Variants in EXOC4 observed in about 807,000 individuals in gnomAD.
EXOC4 encodes the protein exocyst complex component 4.
EXOC4 carries 71 observed loss-of-function variants against 107.2 expected under a neutral mutation model. The ratio of observed to expected loss-of-function variants is 0.66; its 90% CI spans 0.55 to 0.81. The LOEUF is 0.81. Among genes scored for constraint, EXOC4 ranks in the 30% least tolerant of loss-of-function variants. The probability of loss-of-function intolerance (pLI) is 0.00; values close to 1 mark genes in which losing one functional copy is unlikely to be tolerated. For synonymous variants in EXOC4, 456 were observed against 441.2 expected, an observed-to-expected ratio of 1.03 and a Z score of -0.42; for missense variants, 1,108 against 1,189.6, an observed-to-expected ratio of 0.93 and a Z score of 1.01.
At chr7:133,568,218 C>T (rs6954508) in intron 9 of EXOC4, among the ~76,000 whole-genome samples, 151,299 of 152,150 alleles carry the variant, frequency 0.99, 75,233 homozygotes, top group East Asian at 1. Flanking sequence ...GTTGCCTCTT[C>T]TTTCCCCCTT....
intron 3 of EXOC4, among the ~76,000 whole-genome samples, chr7:133,297,996 G>A (rs932563014): frequency 6.6e-6 from 1 of 152,168 alleles, no homozygotes; most frequent in African/African-American, 2.4e-5. Flanking sequence ...GGCCAGATGG[G>A]AACTAGATGT....
chr7:133,417,049 A>G (rs1797493788), intron 7 of EXOC4, among the ~76,000 whole-genome samples: 1 of 152,164 alleles, frequency 6.6e-6, no homozygotes, highest in Admixed American at 6.5e-5. Flanking sequence ...TGAGGTCTAT[A>G]TGATTATGTG....
chr7:133,985,571 C>T (rs1038637944), intron 14 of EXOC4, among the ~76,000 whole-genome samples: 2 of 152,166 alleles, frequency 1.3e-5, no homozygotes, highest in Non-Finnish European at 2.9e-5. Context: ...GGCCAATGAG[C>T]TTTCTTTTAA....
At chr7:133,521,453 TTTG>T (rs1262079574) in intron 9 of EXOC4, among the ~76,000 whole-genome samples, 1 of 152,224 alleles carries the variant, frequency 6.6e-6, no homozygotes, top group African/African-American at 2.4e-5. Flanking sequence ...AAAGTATTTA[TTTG>T]TTAACACTTA....
intron 10 of EXOC4, among the ~76,000 whole-genome samples, chr7:133,729,779 T>A (rs1359186505): frequency 1.3e-5 from 2 of 152,134 alleles, no homozygotes; most frequent in African/African-American, 4.8e-5. Context: ...ATTGAAATAG[T>A]CATAATCAGC....
chr7:133,713,347 A>G (rs781175021), intron 10 of EXOC4, among the ~76,000 whole-genome samples: 2 of 152,148 alleles, frequency 1.3e-5, no homozygotes, highest in Admixed American at 6.5e-5. Flanking sequence ...CAGAATGGGG[A>G]TTATTCTTTG....
intron 10 of EXOC4, among the ~76,000 whole-genome samples, chr7:133,782,944 C>T (rs998870756): frequency 1.3e-5 from 2 of 152,134 alleles, no homozygotes; most frequent in African/African-American, 4.8e-5. Context: ...AGTGGGAAGA[C>T]CCAAATGTCA....
At chr7:133,364,267 A>C (rs1035039486) in intron 6 of EXOC4, among the ~76,000 whole-genome samples, 9 of 151,534 alleles carry the variant, frequency 5.9e-5, no homozygotes, top group African/African-American at 1.7e-4. Flanking sequence ...AGTAGTTGGG[A>C]CTACAGTTAT....
chr7:133,610,652 A>G (rs993022424), intron 9 of EXOC4, among the ~76,000 whole-genome samples: 1 of 152,000 alleles, frequency 6.6e-6, no homozygotes, highest in Non-Finnish European at 1.5e-5. Flanking sequence ...AGAGCTCTAA[A>G]TCTTAAACCT....
At chr7:133,579,020 C>T (rs1234087526) in intron 9 of EXOC4, among the ~76,000 whole-genome samples, 1 of 152,060 alleles carries the variant, frequency 6.6e-6, no homozygotes, top group African/African-American at 2.4e-5. Flanking sequence ...TGCAAAAATT[C>T]ATTGGTTTTT....
intron 9 of EXOC4, among the ~76,000 whole-genome samples, chr7:133,621,873 G>A (rs1245682128): frequency 2.0e-5 from 3 of 152,176 alleles, no homozygotes; most frequent in African/African-American, 4.8e-5. Flanking sequence ...CGTTGTTTGG[G>A]TCTTGGATGA....
At chr7:133,690,835 G>A (rs1336986303) in intron 10 of EXOC4, among the ~76,000 whole-genome samples, 1 of 152,134 alleles carries the variant, frequency 6.6e-6, no homozygotes, top group African/African-American at 2.4e-5. Flanking sequence ...TTGTGGGGAA[G>A]TGACTAGGAA....
chr7:134,069,902 A>T (rs1796248800), downstream of EXOC4, among the ~76,000 whole-genome samples: 2 of 152,220 alleles, frequency 1.3e-5, no homozygotes, highest in Admixed American at 6.5e-5. Flanking sequence ...AGGGCACAGA[A>T]ATTTCACAGT....
At chr7:133,867,911 T>C (rs1009432656) in intron 11 of EXOC4, among the ~76,000 whole-genome samples, 6 of 152,244 alleles carry the variant, frequency 3.9e-5, no homozygotes, top group Admixed American at 6.5e-5. Context: ...TTAAGGGATC[T>C]TTAAAGCATA....
intron 7 of EXOC4, among the ~76,000 whole-genome samples, chr7:133,377,891 T>A (rs1467647090): frequency 6.6e-6 from 1 of 152,108 alleles, no homozygotes; most frequent in Non-Finnish European, 1.5e-5. Flanking sequence ...GAAACAAAAA[T>A]TGTCAATCTA....
rs548598857 is a variant in EXOC4, at chr7:133,707,509, CAATT to C, written c.1514+77375_1514+77378del. Reference sequence around the variant, plus strand: ...AAAGAAAAAGTTAAAAATGAAATACCAATTAATTAAGTTTTCTATTTTAGTGTAG... The same window carrying C: ...AAAGAAAAAGTTAAAAATGAAATACCAATTAAGTTTTCTATTTTAGTGTAG... On this transcript the variant is annotated intron_variant, in intron 10 of 17. Transcript: ENST00000253861. Among the ~76,000 whole-genome samples, 334 of 151,740 alleles carry C rather than the reference CAATT, an allele frequency of 2.2e-3. 7 individuals carry two copies. The highest frequency in any genetic ancestry group is 0.021 in the Admixed American group (326 of 15,268).
intron 10 of EXOC4, among the ~76,000 whole-genome samples, chr7:133,700,303 C>T (rs1794628152): frequency 6.6e-6 from 1 of 152,008 alleles, no homozygotes; most frequent in Non-Finnish European, 1.5e-5. Flanking sequence ...CTTATTTTCT[C>T]TTGAGGGACT....
chr7:133,934,902 A>G (rs1227712111), intron 13 of EXOC4, among the ~76,000 whole-genome samples: 2 of 151,604 alleles, frequency 1.3e-5, no homozygotes, highest in East Asian at 3.9e-4. Flanking sequence ...AGTGGATTTT[A>G]GAGCTATCCA....
rs1176978521 is a variant in EXOC4, at chr7:133,824,768, GTC to G, written c.1734+7228_1734+7229del. On this transcript the variant is annotated intron_variant, in intron 11 of 17. Coordinates refer to ENST00000253861, the MANE Select transcript of EXOC4 (RefSeq NM_021807.4). ...CTCTGGCAGCGTAACTGCAATCTCTGTCTCTATCGTAACGTGGCGTTCTCCCG... is the reference window on the plus strand; with the variant it reads ...CTCTGGCAGCGTAACTGCAATCTCTGTCTATCGTAACGTGGCGTTCTCCCG... 2.0e-5 allele frequency among the ~76,000 whole-genome samples: 3 copies of G among 152,192 alleles called. No homozygotes were observed. The South Asian group carries it at 6.2e-4, about 32-fold the overall frequency.
Sources: allele counts gnomAD v4.1 joint callset (sites outside exome capture counted in the v4.1 genomes callset), GRCh38; gene constraint gnomAD v4.1.1; transcripts MANE v1.5; gene names NCBI Gene and HGNC (gene_info 2026-07-23, HGNC 2026-07-21).